The following NOX4 variants were observed in gnomAD, a reference collection of about 807,000 sequenced individuals.
NOX4 encodes the protein NADPH oxidase 4, also known as kidney oxidase-1.
NOX4 carries 69 observed loss-of-function variants against 87.6 expected under a neutral mutation model. The observed-to-expected ratio is 0.79, with a 90% CI of 0.65 to 0.96. NOX4 has a LOEUF of 0.96. Among genes scored for constraint, NOX4 ranks in the 40% least tolerant of loss-of-function variants. NOX4 has a pLI of 0.00. For missense variants in NOX4, 680 were observed against 681.5 expected (o/e 1.00, Z 0.02); for synonymous variants, 275 against 238.2 (o/e 1.15, Z -1.42).
At chr11:89,446,399 A>T (rs1315600774) in intron 4 of NOX4, among the ~76,000 whole-genome samples, 1 of 152,138 alleles carries the variant, frequency 6.6e-6, no homozygotes, top group Non-Finnish European at 1.5e-5. Flanking sequence ...ATGCCCACAC[A>T]AAAACAGGCA....
chr11:89,334,003 C>T (rs1451024832), intron 17 of NOX4, among the ~76,000 whole-genome samples: 2 of 151,636 alleles, frequency 1.3e-5, no homozygotes, highest in Non-Finnish European at 3.0e-5. Context: ...ACACAAACAG[C>T]CTAACAAATG....
At chr11:89,550,171 A>T in the NOX4 span, among the ~76,000 whole-genome samples, 1 of 148,842 alleles carries the variant, frequency 6.7e-6, no homozygotes, top group Admixed American at 6.7e-5. Flanking sequence ...TTGTTTCCTG[A>T]TTTTTTAATG....
At chr11:89,567,573 A>G in the NOX4 span, among the ~76,000 whole-genome samples, 11 of 152,214 alleles carry the variant, frequency 7.2e-5, no homozygotes, top group Non-Finnish European at 1.3e-4. Context: ...CTTTCTTCAC[A>G]TGGTGGCAGA....
upstream of NOX4, among the ~76,000 whole-genome samples, chr11:89,495,404 C>G (rs1044043946): frequency 4.0e-5 from 6 of 151,806 alleles, no homozygotes; most frequent in Non-Finnish European, 8.8e-5. Context: ...ATTGCCTCCT[C>G]CTCTTCAATC....
At chr11:89,463,612 A>G (rs1945561306) in intron 2 of NOX4, among the ~76,000 whole-genome samples, 1 of 152,014 alleles carries the variant, frequency 6.6e-6, no homozygotes, top group East Asian at 1.9e-4. Flanking sequence ...TTGTCAGCAT[A>G]TGAAATATAG....
the NOX4 span, among the ~76,000 whole-genome samples, chr11:89,560,742 A>T: frequency 6.6e-6 from 1 of 151,484 alleles, no homozygotes; most frequent in Non-Finnish European, 1.5e-5. Flanking sequence ...GCCTTTGGAC[A>T]TCAGAACTCT....
Position 89,342,145 on chromosome 11 carries a change from G to A in NOX4, c.1266C>T (p.Asn422=), listed in dbSNP as rs1447655553. The A allele has an allele frequency of 2.5e-6, 4 of 1,612,716 alleles. No individual in the cohort carries two copies. Among genetic ancestry groups the A allele is most frequent in the Non-Finnish European group, 2.5e-6 (3 of 1,178,948 alleles). Reference sequence around the variant, plus strand: ...CAGCCACGCAGAGGCTGACCTCATAGTTCAGTGATTCCTCAAATGGACTTC... The same window carrying A: ...CAGCCACGCAGAGGCTGACCTCATAATTCAGTGATTCCTCAAATGGACTTC... ...PFGSPFEESL[N]YEVSLCVAGG... Residue 422 remains asparagine, a synonymous_variant, in exon 14 of 18, where the codon AAC becomes AAT. Transcript: ENST00000263317.
intron 2 of NOX4, among the ~76,000 whole-genome samples, chr11:89,473,207 G>C (rs867417383): frequency 7.2e-5 from 11 of 152,090 alleles, no homozygotes; most frequent in African/African-American, 2.7e-4. Flanking sequence ...CACAGGAGAA[G>C]GCATGGAGAA....
At chr11:89,505,181 A>G in the NOX4 span, among the ~76,000 whole-genome samples, 2 of 151,882 alleles carry the variant, frequency 1.3e-5, no homozygotes, top group Admixed American at 6.6e-5. Flanking sequence ...CTTAAATATC[A>G]TTAACTTTTT....
chr11:89,500,603 G>A (rs915225210), upstream of NOX4, among the ~76,000 whole-genome samples: 1 of 152,086 alleles, frequency 6.6e-6, no homozygotes, highest in African/African-American at 2.4e-5. Flanking sequence ...GAAGAGATGT[G>A]TATGTCCTTT....
Position 89,438,890 on chromosome 11 carries a change from A to T in NOX4, c.475+1798T>A, listed in dbSNP as rs867737913. On this transcript the variant is annotated intron_variant, in intron 6 of 17. Transcript: ENST00000263317. ...TTATATATATAATATATAATATATT[A>T]TATATTATATATATAATATATAATA... Among the ~76,000 whole-genome samples the T allele has an allele frequency of 5.6e-5, 3 of 53,704 alleles. 1 individual carries two copies. In the Admixed American group the frequency reaches 1.1e-3, roughly 20 times the overall value. 35.2% of individuals were successfully genotyped at this position (53,704 alleles called of 152,430 possible). A position where few individuals can be genotyped will look rare whatever the true frequency, so the allele number is the denominator to read the frequency against.
chr11:89,477,400 C>T (rs1056300752), intron 2 of NOX4, among the ~76,000 whole-genome samples: 3 of 152,182 alleles, frequency 2.0e-5, no homozygotes, highest in Admixed American at 1.3e-4. Flanking sequence ...AATGGGGAGC[C>T]GCCGTAAATA....
At chr11:89,580,761 T>C in the NOX4 span, among the ~76,000 whole-genome samples, 1 of 152,200 alleles carries the variant, frequency 6.6e-6, no homozygotes, top group Non-Finnish European at 1.5e-5. Flanking sequence ...CACCAAGATA[T>C]GGTTCCTGCA....
intron 2 of NOX4, among the ~76,000 whole-genome samples, chr11:89,458,217 A>G (rs1453775372): frequency 6.6e-6 from 1 of 152,216 alleles, no homozygotes; most frequent in Non-Finnish European, 1.5e-5. Context: ...AGCCATTTGC[A>G]AAAGATTTAA....
At position 89,440,669 on chromosome 11, in the gene NOX4, G is replaced by A; in HGVS notation, c.475+19C>T. 6.5e-7 allele frequency: 1 copy of A among 1,528,356 alleles called. No individual in the cohort carries two copies. The highest frequency in any genetic ancestry group is 1.4e-5 in the African/African-American group (1 of 71,618). 94.7% of individuals were successfully genotyped at this position (1,528,356 alleles called of 1,614,324 possible). On this transcript the variant is annotated intron_variant, in intron 6 of 17. Transcript: ENST00000263317. ...AGATGTTCCTAAACCTAAAGAAAAG[G>A]CTAAGAATAACAACTTACCAGTTGT...
chr11:89,481,288 C>T (rs1271937129), intron 2 of NOX4, among the ~76,000 whole-genome samples: 1 of 151,650 alleles, frequency 6.6e-6, no homozygotes, highest in Non-Finnish European at 1.5e-5. Flanking sequence ...TATATATACA[C>T]AATACAATAT....
At chr11:89,514,623 T>G in the NOX4 span, among the ~76,000 whole-genome samples, 2 of 151,894 alleles carry the variant, frequency 1.3e-5, no homozygotes, top group African/African-American at 2.4e-5. Context: ...TAGCTCTGGG[T>G]TTTTCATAGG....
At chr11:89,557,623 GT>G in the NOX4 span, among the ~76,000 whole-genome samples, 1 of 152,012 alleles carries the variant, frequency 6.6e-6, no homozygotes, top group Non-Finnish European at 1.5e-5. Context: ...TTACTTGTTT[GT>G]TTTTTTACAG....
intron 7 of NOX4, among the ~76,000 whole-genome samples, chr11:89,426,171 T>C (rs926196674): frequency 6.6e-6 from 1 of 152,186 alleles, no homozygotes; most frequent in Non-Finnish European, 1.5e-5. Flanking sequence ...CAAAGTTTTG[T>C]ATAGAACATC....
Sources: allele counts gnomAD v4.1 joint callset (sites outside exome capture counted in the v4.1 genomes callset), GRCh38; gene constraint gnomAD v4.1.1; transcripts MANE v1.5; gene names NCBI Gene and HGNC (gene_info 2026-07-23, HGNC 2026-07-21).